SRP54: variants seen among roughly 807,000 people sequenced by gnomAD.
SRP54 encodes the protein signal recognition particle 54.
A neutral mutation model predicts 64.8 loss-of-function variants in SRP54; 10 were observed. The observed-to-expected ratio is 0.15, with a 90% confidence interval of 0.10 to 0.26. SRP54 has a LOEUF of 0.26. SRP54 is among the 10% of genes least tolerant of loss of function. The pLI is 1.00. For synonymous variants in SRP54, 193 were observed against 185.6 expected (o/e 1.04, Z -0.32); for missense variants, 325 against 613.7 (o/e 0.53, Z 4.97).
At chr14:35,001,659 A>G (rs1163269251) in intron 4 of SRP54, among the ~76,000 whole-genome samples, 1 of 152,320 alleles carries the variant, frequency 6.6e-6, no homozygotes, top group Admixed American at 6.5e-5. Context: ...GCAAAGTCAC[A>G]TATAGCAAGT....
At chr14:35,007,216 G>A (rs894455001) in intron 4 of SRP54, 67 bp from the exon 5 acceptor site, 3 of 1,097,960 alleles carry the variant, frequency 2.7e-6, no homozygotes, top group Non-Finnish European at 3.9e-6. Context: ...AAAAGTTGTG[G>A]GGAAGGGGTT....
intron 2 of SRP54, among the ~76,000 whole-genome samples, chr14:34,998,973 ATGTGTG>A (rs34646567): frequency 0.057 from 3,642 of 63,582 alleles, 130 homozygotes; most frequent in African/African-American, 0.09. Flanking sequence ...CTTTGTGTGT[ATGTGTG>A]TGTGTGTGTG....
intron 13 of SRP54, 149 bp downstream of exon 13, chr14:35,019,223 T>G (rs771611718): frequency 1.4e-5 from 8 of 589,830 alleles, no homozygotes; most frequent in Non-Finnish European, 2.4e-5. Context: ...AAGCTCTTAC[T>G]CAAAGGGTTA....
chr14:34,991,637 A>T (rs987283456), intron 1 of SRP54, among the ~76,000 whole-genome samples: 1 of 150,152 alleles, frequency 6.7e-6, no homozygotes, highest in Non-Finnish European at 1.5e-5. Flanking sequence ...GAGGAAGAGC[A>T]TGCTGGCTAG....
chr14:35,000,662 TAAAAC>T (rs1264414869), intron 3 of SRP54, among the ~76,000 whole-genome samples: 3 of 151,984 alleles, frequency 2.0e-5, no homozygotes, highest in Non-Finnish European at 4.4e-5. Context: ...GAAAAGTAAA[TAAAAC>T]TAGTTCTTTG....
chr14:34,989,194 A>G (rs1013332680), intron 1 of SRP54, among the ~76,000 whole-genome samples: 3 of 152,190 alleles, frequency 2.0e-5, no homozygotes, highest in Non-Finnish European at 2.9e-5. Flanking sequence ...AAAGTCATTG[A>G]CAAGGACTTA....
rs1226198590 is a variant in SRP54, at chr14:34,983,071, C to G, written c.-178C>G. On this transcript the variant is annotated 5_prime_UTR_variant, in exon 1 of 16. Transcript: ENST00000216774. ...CGACGTGGTGCTGGGCGTTGGGACCCTACTTTATCTAGTTCGGGAAGTTGG... is the reference window on the plus strand; with the variant it reads ...CGACGTGGTGCTGGGCGTTGGGACCGTACTTTATCTAGTTCGGGAAGTTGG... 6.6e-6 allele frequency: 1 copy of G among 152,240 alleles called. No homozygotes were observed. The highest frequency in any genetic ancestry group is 1.5e-5 in the Non-Finnish European group (1 of 68,040). The allele number at this position is 152,240 out of a possible 1,614,324, so 9.4% of individuals were successfully genotyped here.
chr14:35,007,420 T>C (rs745474625), intron 5 of SRP54, 33 bp downstream of exon 5: 5 of 1,435,616 alleles, frequency 3.5e-6, no homozygotes, highest in East Asian at 2.4e-5. Flanking sequence ...AGAAGTCATA[T>C]GGAAGATAGG....
chr14:35,011,533 C>T lies in SRP54; in HGVS notation c.510C>T (p.Ile170=). Residue 170 remains isoleucine, a synonymous_variant, in exon 8 of 16, where the codon ATC becomes ATT. Transcript: ENST00000216774. The part of the protein sequence containing the change: ...YGSYTEMDPV[I]IASEGVEKFK... ...GCTATACAGAAATGGATCCTGTCAT[C>T]ATTGCTTCTGAAGGAGTAGAGAAAT... The T allele has an allele frequency of 1.3e-6, 2 of 1,558,672 alleles. No homozygotes were observed.
At chr14:34,991,128 TTGTTGTTG>T (rs1446186465) in intron 1 of SRP54, among the ~76,000 whole-genome samples, 1 of 90,690 alleles carries the variant, frequency 1.1e-5, no homozygotes, top group Non-Finnish European at 2.8e-5. Flanking sequence ...TTTTTTTTTT[TTGTTGTTG>T]TTGTTGTTGT....
chr14:35,008,660 A>G lies in SRP54; in HGVS notation c.394A>G (p.Thr132Ala). The change falls in exon 6 of 16, where the codon ACC (threonine) becomes GCC (alanine). Residue 132 changes from threonine to alanine, a missense_variant. Physicochemically the swap from Thr to Ala is moderately conservative, Grantham distance 58. Around this residue, in one of 3 missense-constraint regions of SRP54, gnomAD observed 156 missense variants for 254.6 expected, o/e 0.61. Transcript: ENST00000216774. Reference sequence around the variant, plus strand: ...TTATTACCAGAGGAAAGGTTGGAAGACCTGTTTAATATGTGCAGACACATT... The same window carrying G: ...TTATTACCAGAGGAAAGGTTGGAAGGCCTGTTTAATATGTGCAGACACATT... Reference protein sequence around the residue: ...AYYYQRKGWKTCLICADTFRA... With the variant: ...AYYYQRKGWKACLICADTFRA... 6.3e-7 allele frequency: 1 copy of G among 1,595,206 alleles called. No homozygotes were observed. Among genetic ancestry groups the G allele is most frequent in the Non-Finnish European group, 8.5e-7 (1 of 1,171,076 alleles).
intron 1 of SRP54, among the ~76,000 whole-genome samples, chr14:34,991,556 G>A (rs750947309): frequency 6.6e-6 from 1 of 151,778 alleles, no homozygotes; most frequent in Non-Finnish European, 1.5e-5. Context: ...AGTGATTAGG[G>A]AAGACCTCAT....
chr14:35,015,832 G>A (rs2044429482), intron 11 of SRP54, among the ~76,000 whole-genome samples: 1 of 152,138 alleles, frequency 6.6e-6, no homozygotes, highest in South Asian at 2.1e-4. Flanking sequence ...GTTTCTCAGG[G>A]ATCATTCGAA....
At position 35,022,853 on chromosome 14, in the gene SRP54, T is replaced by G. The variant is rs2044556592; in HGVS notation, c.1157-57T>G. 7 of 1,464,692 alleles carry G rather than the reference T, an allele frequency of 4.8e-6. No individual in the cohort carries two copies. The Middle Eastern group carries it at 5.4e-4, about 113-fold the overall frequency. The allele number at this position is 1,464,692 out of a possible 1,614,324, so 90.7% of individuals were successfully genotyped here. A position where few individuals can be genotyped will look rare whatever the true frequency, so the allele number is the denominator to read the frequency against. ...AAGTTATATATTGCCCATTTGCACA[T>G]AACTGCTTTGATGGTGAATGATAAT... On this transcript the variant is annotated intron_variant, in intron 13 of 15. Transcript: ENST00000216774.
intron 1 of SRP54, among the ~76,000 whole-genome samples, chr14:34,995,164 TGTGTGTGTGTGTGTGTGTGTGTGTAG>T (rs2044051016): frequency 2.1e-5 from 3 of 140,008 alleles, no homozygotes; most frequent in African/African-American, 5.2e-5. Flanking sequence ...TGTGTGTGTG[TGTGTGTGTGTGTGTGTGTGTGTGTAG>T]AGAGAGAGAG....
intron 11 of SRP54, among the ~76,000 whole-genome samples, chr14:35,018,216 A>G (rs1447495973): frequency 2.0e-5 from 3 of 152,256 alleles, no homozygotes; most frequent in African/African-American, 7.2e-5. Context: ...TGTTCTTTTT[A>G]TTGCTGAATA....
intron 13 of SRP54, among the ~76,000 whole-genome samples, chr14:35,020,995 CTTTCA>C (rs2044520669): frequency 6.6e-6 from 1 of 152,098 alleles, no homozygotes; most frequent in Middle Eastern, 3.2e-3. Context: ...AGTTTATCTT[CTTTCA>C]TTTGATTTGA....
chr14:35,006,248 G>C (rs1487045806), intron 4 of SRP54, among the ~76,000 whole-genome samples: 2 of 152,176 alleles, frequency 1.3e-5, no homozygotes, highest in Non-Finnish European at 2.9e-5. Flanking sequence ...TCTAAATGTA[G>C]TAACTTTACA....
In SRP54 at chr14:35,011,192, GA is replaced by G. The variant is rs201595764; in HGVS notation, c.486-312del. 2.9e-3 allele frequency among the ~76,000 whole-genome samples: 434 copies of G among 148,172 alleles called. 12 individuals are homozygous for G. The East Asian group carries it at 0.08, about 27-fold the overall frequency. On this transcript the variant is annotated intron_variant, in intron 7 of 15. Transcript: ENST00000216774. ...AATGCTTCCAAATGGATGTTAAATG[GA>G]AAAATGTGTGAAACACTGTGAGCAT... is the stretch of plus-strand genomic sequence containing the variant.
Sources: allele counts gnomAD v4.1 joint callset (sites outside exome capture counted in the v4.1 genomes callset), GRCh38; gene constraint gnomAD v4.1.1; regional missense constraint gnomAD v4.1.1; transcripts MANE v1.5; gene names NCBI Gene and HGNC (gene_info 2026-07-23, HGNC 2026-07-21).